GRM5: variants seen among roughly 807,000 people sequenced by gnomAD.
GRM5 encodes the protein metabotropic glutamate receptor 5.
GRM5 carries 19 observed loss-of-function variants against 83.1 expected under a neutral mutation model. The observed-to-expected ratio is 0.23, with a 90% CI of 0.16 to 0.34. GRM5 has a LOEUF of 0.34. Ranked by LOEUF, GRM5 falls within the 10% of genes least tolerant of loss-of-function variation. The pLI is 1.00. For synonymous variants in GRM5, 675 were observed against 633.6 expected (o/e 1.07, Z -0.98); for missense variants, 1,160 against 1,588.3 (o/e 0.73, Z 4.58).
chr11:88,884,613 G>A (rs1299406306), intron 2 of GRM5, among the ~76,000 whole-genome samples: 1 of 152,160 alleles, frequency 6.6e-6, no homozygotes, highest in Non-Finnish European at 1.5e-5. Flanking sequence ...CAGTTTGGCT[G>A]TGTCTCTACC....
intron 3 of GRM5, among the ~76,000 whole-genome samples, chr11:88,817,996 C>T (rs1309435130): frequency 2.0e-5 from 3 of 152,158 alleles, no homozygotes; most frequent in Admixed American, 6.5e-5. Flanking sequence ...TCACAGAATG[C>T]TTATTACATG....
intron 3 of GRM5, among the ~76,000 whole-genome samples, chr11:88,728,017 A>G (rs1482612623): frequency 6.6e-6 from 1 of 152,196 alleles, no homozygotes; most frequent in Non-Finnish European, 1.5e-5. Flanking sequence ...GACAAGAAAT[A>G]ACTTAGATCA....
Position 88,849,964 on chromosome 11 carries a change from C to T in GRM5, c.853G>A (p.Gly285Ser). 1.9e-6 allele frequency: 3 copies of T among 1,614,114 alleles called. No homozygotes were observed. Among genetic ancestry groups the T allele is most frequent in the Non-Finnish European group, 2.5e-6 (3 of 1,179,952 alleles). ...AGGCGCCTCATGGCCATCAGCAGAC[C>T]TCTCACCGTCATGCCCTCACAGAAG... is the stretch of plus-strand genomic sequence containing the variant. ...ACFCEGMTVRGLLMAMRRLGL... is the reference protein window; with the variant it reads ...ACFCEGMTVRSLLMAMRRLGL... The change falls in exon 3 of 10, where the codon GGT becomes AGT. Residue 285 changes from glycine to serine, a missense_variant. Physicochemically the swap from Gly to Ser is moderately conservative, Grantham distance 56 (BLOSUM62 0). Coordinates refer to ENST00000305447, the MANE Select transcript of GRM5 (RefSeq NM_001143831.3).
intron 9 of GRM5, among the ~76,000 whole-genome samples, chr11:88,510,900 C>T (rs781017293): frequency 6.6e-6 from 1 of 152,210 alleles, no homozygotes; most frequent in Non-Finnish European, 1.5e-5. Context: ...CTGTTATTTT[C>T]AGTCAAGACA....
intron 3 of GRM5, among the ~76,000 whole-genome samples, chr11:88,779,796 G>A (rs374237904): frequency 6.6e-5 from 10 of 152,156 alleles, no homozygotes; most frequent in South Asian, 6.2e-4. Context: ...TTTTCACCTC[G>A]TACATCAACA....
At chr11:88,616,211 T>C (rs1357754199) in intron 4 of GRM5, among the ~76,000 whole-genome samples, 1 of 152,146 alleles carries the variant, frequency 6.6e-6, no homozygotes, top group East Asian at 1.9e-4. Context: ...ATAATATGAT[T>C]TCTTCACATT....
intron 8 of GRM5, among the ~76,000 whole-genome samples, chr11:88,559,039 C>G (rs1036368524): frequency 2.6e-5 from 4 of 151,788 alleles, no homozygotes; most frequent in Non-Finnish European, 5.9e-5. Context: ...CTTCTCAATT[C>G]CTGTAAAAAT....
intron 2 of GRM5, among the ~76,000 whole-genome samples, chr11:88,922,998 G>C (rs1245572350): frequency 6.6e-6 from 1 of 151,938 alleles, no homozygotes; most frequent in East Asian, 1.9e-4. Context: ...TTGATCATCA[G>C]AGAAATGTGA....
intron 2 of GRM5, among the ~76,000 whole-genome samples, chr11:88,962,081 G>T (rs546158895): frequency 2.6e-4 from 39 of 152,306 alleles, no homozygotes; most frequent in African/African-American, 8.4e-4. Context: ...TGCATAAGTA[G>T]TGCATAAAAA....
chr11:89,000,809 T>C (rs1179251459), intron 2 of GRM5, among the ~76,000 whole-genome samples: 1 of 151,938 alleles, frequency 6.6e-6, no homozygotes, highest in African/African-American at 2.4e-5. Flanking sequence ...AACCACGTAT[T>C]GAACAAAGGA....
chr11:88,643,465 T>C (rs1939352820), intron 4 of GRM5, among the ~76,000 whole-genome samples: 1 of 152,190 alleles, frequency 6.6e-6, no homozygotes, highest in Non-Finnish European at 1.5e-5. Flanking sequence ...TCAGCCTTTC[T>C]GTGCAGCATT....
chr11:88,963,547 T>C (rs1475008801), intron 2 of GRM5, among the ~76,000 whole-genome samples: 1 of 152,228 alleles, frequency 6.6e-6, no homozygotes, highest in Non-Finnish European at 1.5e-5. Context: ...TTTAGCCATG[T>C]TGGACCATGT....
At chr11:88,509,878 G>A (rs777506497) in intron 9 of GRM5, among the ~76,000 whole-genome samples, 3 of 152,148 alleles carry the variant, frequency 2.0e-5, no homozygotes, top group African/African-American at 4.8e-5. Flanking sequence ...CAAGTGCCTG[G>A]TACAGGACAG....
At chr11:88,824,466 G>A (rs1943858778) in intron 3 of GRM5, among the ~76,000 whole-genome samples, 4 of 152,172 alleles carry the variant, frequency 2.6e-5, no homozygotes, top group Non-Finnish European at 2.9e-5. Context: ...CAACTTTACT[G>A]GCACCAGGGA....
chr11:88,780,835 A>G (rs1047700621), intron 3 of GRM5, among the ~76,000 whole-genome samples: 1 of 152,014 alleles, frequency 6.6e-6, no homozygotes, highest in African/African-American at 2.4e-5. Flanking sequence ...TTTCCTATTG[A>G]AAAAGTGTTC....
chr11:88,991,838 C>T (rs887053138), intron 2 of GRM5, among the ~76,000 whole-genome samples: 1 of 151,998 alleles, frequency 6.6e-6, no homozygotes, highest in Admixed American at 6.6e-5. Context: ...AGATCCCTTC[C>T]TTACACCTTA....
intron 2 of GRM5, among the ~76,000 whole-genome samples, chr11:88,988,099 T>A (rs1939801080): frequency 2.0e-5 from 3 of 148,270 alleles, no homozygotes; most frequent in Admixed American, 2.0e-4. Context: ...GGCAAAGAAG[T>A]TGAAAACTTT....
At chr11:88,943,508 C>T (rs1938178601) in intron 2 of GRM5, among the ~76,000 whole-genome samples, 1 of 152,026 alleles carries the variant, frequency 6.6e-6, no homozygotes, top group Non-Finnish European at 1.5e-5. Flanking sequence ...CTGCTACTCA[C>T]TCATAACATT....
intron 6 of GRM5, among the ~76,000 whole-genome samples, chr11:88,592,290 AAAC>A (rs1175349836): frequency 6.6e-6 from 1 of 152,210 alleles, no homozygotes; most frequent in Non-Finnish European, 1.5e-5. Flanking sequence ...GGATTAAATA[AAAC>A]AACACAGTGA....
Sources: gnomAD v4.1 joint callset for allele counts (sites outside exome capture counted in the v4.1 genomes callset) on GRCh38, gnomAD v4.1.1 for gene constraint, MANE v1.5 for transcripts, NCBI Gene and HGNC (gene_info 2026-07-23, HGNC 2026-07-21) for gene names.